The following ANKRD26 variants were observed in gnomAD, a reference collection of about 807,000 sequenced individuals.
ANKRD26 encodes the protein ankyrin repeat domain-containing protein 26.
Under a neutral mutation model 208.7 loss-of-function variants are expected in ANKRD26, and 141 were observed. The observed-to-expected ratio is 0.68, with a 90% CI of 0.59 to 0.78. The LOEUF is 0.78. ANKRD26 is among the 30% of genes least tolerant of loss of function. The pLI is 0.00. For missense variants in ANKRD26, 1,889 were observed against 1,938.7 expected (o/e 0.97, Z 0.48); for synonymous variants, 636 against 660.4 (o/e 0.96, Z 0.57).
At chr10:27,095,309 A>G (rs139099871) in intron 1 of ANKRD26, among the ~76,000 whole-genome samples, 106 of 152,306 alleles carry the variant, frequency 7.0e-4, no homozygotes, top group African/African-American at 2.3e-3. Context: ...TGTTTAAGAC[A>G]TAAATTTTCA....
At chr10:27,021,133 G>A (rs940831888) in intron 29 of ANKRD26, among the ~76,000 whole-genome samples, 1 of 152,142 alleles carries the variant, frequency 6.6e-6, no homozygotes, top group African/African-American at 2.4e-5. Context: ...GGAAACCTCA[G>A]CGTCTGTTGT....
At chr10:27,067,124 T>C (rs751547791) in intron 10 of ANKRD26, 33 bp downstream of exon 10, 9 of 1,606,662 alleles carry the variant, frequency 5.6e-6, no homozygotes, top group Non-Finnish European at 7.7e-6. Context: ...AACTTAAGGA[T>C]AGAAAAATAT....
chr10:26,963,916 T>G, the ANKRD26 span, among the ~76,000 whole-genome samples: 14 of 137,724 alleles, frequency 1.0e-4, no homozygotes, highest in South Asian at 1.9e-3. Context: ...TTTTTTTTTT[T>G]TTTTTTTTTT....
chr10:27,075,063 A>T (rs1443228984), intron 9 of ANKRD26, among the ~76,000 whole-genome samples: 1 of 152,254 alleles, frequency 6.6e-6, no homozygotes, highest in Non-Finnish European at 1.5e-5. Context: ...ATACTAGACC[A>T]GCCCTACAAG....
intron 5 of ANKRD26, among the ~76,000 whole-genome samples, chr10:26,992,945 C>T (rs1234543402): frequency 1.3e-5 from 2 of 152,080 alleles, no homozygotes; most frequent in African/African-American, 4.8e-5. Flanking sequence ...ATATCTAAGG[C>T]CATATGGTTT....
chr10:26,963,755 T>C, the ANKRD26 span, among the ~76,000 whole-genome samples: 28 of 152,076 alleles, frequency 1.8e-4, no homozygotes, highest in Admixed American at 1.4e-3. Flanking sequence ...CCCTTTCAAA[T>C]ACTTTCAATC....
chr10:26,968,091 C>T, the ANKRD26 span, among the ~76,000 whole-genome samples: 2 of 152,272 alleles, frequency 1.3e-5, no homozygotes, highest in African/African-American at 4.8e-5. Flanking sequence ...CCACGGTCCT[C>T]AAGAAAGTCC....
downstream of ANKRD26, among the ~76,000 whole-genome samples, chr10:26,971,968 G>A (rs185907338): frequency 2.9e-3 from 437 of 152,262 alleles, 2 homozygotes; most frequent in Middle Eastern, 0.01. Context: ...GGGCGCAGTG[G>A]CTCACGCCTG....
chr10:26,975,842 AAAATAAATAAATAAATAAT>A (rs1258395138), exon 6 of ANKRD26, among the ~76,000 whole-genome samples: 5 of 151,568 alleles, frequency 3.3e-5, no homozygotes, highest in South Asian at 2.1e-4. Context: ...TATCCACCTT[AAAATAAATAAATAAATAAT>A]AAATAAATAA....
chr10:26,992,149 C>T (rs1460249316), intron 5 of ANKRD26: 1 of 152,132 alleles, frequency 6.6e-6, no homozygotes, highest in Non-Finnish European at 1.5e-5. Context: ...TTGCAGCCAT[C>T]TTATTTAGGA....
At chr10:27,073,932 T>A (rs1423922184) in intron 9 of ANKRD26, among the ~76,000 whole-genome samples, 2 of 152,000 alleles carry the variant, frequency 1.3e-5, no homozygotes, top group Non-Finnish European at 2.9e-5. Context: ...AGGTCTTCAC[T>A]ACTGAAAGCA....
chr10:27,033,977 G>C (rs547237886), intron 24 of ANKRD26, among the ~76,000 whole-genome samples: 9 of 152,252 alleles, frequency 5.9e-5, no homozygotes, highest in African/African-American at 2.2e-4. Flanking sequence ...GTGGTCCAAT[G>C]CCAAACTAAT....
chr10:27,046,625 T>G lies in ANKRD26; in HGVS notation c.1815-102A>C, dbSNP rs548304708. The G allele has an allele frequency of 8.6e-6, 10 of 1,166,172 alleles. No individual in the cohort carries two copies. The Admixed American group carries it at 2.5e-4, about 30-fold the overall frequency. 72.2% of individuals were successfully genotyped at this position (1,166,172 alleles called of 1,614,324 possible). A position where few individuals can be genotyped will look rare whatever the true frequency, so the allele number is the denominator to read the frequency against. On this transcript the variant is annotated intron_variant, in intron 17 of 33. Coordinates refer to ENST00000376087, the MANE Select transcript of ANKRD26 (RefSeq NM_014915.3). The stretch of plus-strand genomic sequence containing the variant: ...GGAAAAGAAAGAATAAAAAATCCAT[T>G]AAAAAGCCAATGTTTTCTAGTAATT...
downstream of ANKRD26, among the ~76,000 whole-genome samples, chr10:27,003,662 C>T (rs1394253121): frequency 6.6e-6 from 1 of 152,144 alleles, no homozygotes; most frequent in Admixed American, 6.5e-5. Context: ...ACAGCAGATG[C>T]CTCCAGATGC....
rs199656285 is a variant in ANKRD26, at chr10:27,053,384, T to C, written c.1571A>G (p.His524Arg). 5.7e-4 allele frequency: 919 copies of C among 1,610,330 alleles called. 14 individuals carry two copies. In the South Asian group the frequency reaches 9.4e-3, roughly 16 times the overall value. Residue 524 changes from histidine (H) to arginine (R), a missense_variant, in exon 16 of 34, where the codon CAT (histidine) becomes CGT (arginine). Transcript: ENST00000376087. ...KDVQTSKAAE[H>R]DLEVASEEEQ... is the part of the protein sequence containing the mutation. ...TTCTTCTGATGCTACTTCTAAGTCA[T>C]GTTCAGCTGAAAAAATCCAAATATT...
the ANKRD26 span, among the ~76,000 whole-genome samples, chr10:26,951,552 T>C: frequency 2.6e-5 from 4 of 152,380 alleles, no homozygotes; most frequent in African/African-American, 7.2e-5. Context: ...TTCACTGATA[T>C]ATAGTACACA....
intron 15 of ANKRD26, among the ~76,000 whole-genome samples, chr10:27,058,911 T>G (rs1367046473): frequency 2.1e-5 from 2 of 93,380 alleles, no homozygotes; most frequent in African/African-American, 5.9e-5. Flanking sequence ...TTGTTTGTTT[T>G]TTGTTTTTTT....
At chr10:26,957,686 T>C in the ANKRD26 span, among the ~76,000 whole-genome samples, 2 of 152,182 alleles carry the variant, frequency 1.3e-5, no homozygotes, top group African/African-American at 4.8e-5. Flanking sequence ...CACTCTCTGG[T>C]CGTTTGGGGG....
At chr10:26,971,388 AAG>A (rs2052140183), downstream of ANKRD26, among the ~76,000 whole-genome samples, 1 of 150,840 alleles carries the variant, frequency 6.6e-6, no homozygotes, top group Admixed American at 6.6e-5. Flanking sequence ...GTCTCAAAAA[AAG>A]AGAGCCAGGC....
Sources: gnomAD v4.1 joint callset for allele counts (sites outside exome capture counted in the v4.1 genomes callset) on GRCh38, gnomAD v4.1.1 for gene constraint, MANE v1.5 for transcripts, NCBI Gene and HGNC (gene_info 2026-07-23, HGNC 2026-07-21) for gene names.